Variants in COL19A1 observed in about 807,000 individuals in gnomAD.
COL19A1 encodes collagen alpha-1(XIX) chain.
A neutral mutation model predicts 190.2 loss-of-function variants in COL19A1; 159 were observed. The ratio of observed to expected loss-of-function variants is 0.84; its 90% CI spans 0.73 to 0.95. The LOEUF is 0.95. COL19A1 is among the 40% of genes least tolerant of loss of function. The pLI is 0.00. For synonymous variants in COL19A1, 509 were observed against 458.9 expected (o/e 1.11, Z -1.39); for missense variants, 1,418 against 1,431.9 (o/e 0.99, Z 0.16).
Position 70,121,991 on chromosome 6 carries a change from G to T in COL19A1, c.1341+49G>T, listed in dbSNP as rs758130942. ...TTTATAATACATAGAAATTTTATAT[G>T]ATTGTATTTTTGAAAAAAAACTTAT... On this transcript the variant is annotated intron_variant, in intron 17 of 50. Transcript: ENST00000620364. 6 of 1,254,714 alleles carry T rather than the reference G, an allele frequency of 4.8e-6. No individual in the cohort carries two copies. In the South Asian group the frequency reaches 5.8e-5, roughly 12 times the overall value. The allele number at this position is 1,254,714 out of a possible 1,614,324, so 77.7% of individuals were successfully genotyped here.
intron 5 of COL19A1, among the ~76,000 whole-genome samples, chr6:69,929,143 AT>A (rs897238903): frequency 4.9e-5 from 7 of 144,186 alleles, no homozygotes; most frequent in Non-Finnish European, 1.0e-4. Context: ...TTATATAAAC[AT>A]TTAAAATAAC....
intron 48 of COL19A1, among the ~76,000 whole-genome samples, chr6:70,195,553 C>T (rs1409325976): frequency 6.6e-6 from 1 of 152,180 alleles, no homozygotes; most frequent in Non-Finnish European, 1.5e-5. Flanking sequence ...TGGGCTCCTC[C>T]ATGCAGAGGC....
chr6:70,058,102 G>A (rs1037206250), intron 14 of COL19A1, among the ~76,000 whole-genome samples: 1 of 151,958 alleles, frequency 6.6e-6, no homozygotes, highest in Admixed American at 6.6e-5. Context: ...AATGTTTTTA[G>A]CTTTATTGGC....
intron 11 of COL19A1, among the ~76,000 whole-genome samples, chr6:70,010,059 A>G (rs1777893118): frequency 1.3e-5 from 2 of 152,244 alleles, no homozygotes; most frequent in African/African-American, 4.8e-5. Flanking sequence ...TATGACACTA[A>G]AAAGTCAATC....
intron 14 of COL19A1, among the ~76,000 whole-genome samples, chr6:70,055,779 AT>A (rs1030430024): frequency 4.5e-5 from 4 of 88,632 alleles, no homozygotes; most frequent in Non-Finnish European, 7.9e-5. Flanking sequence ...AAAACTCTGT[AT>A]TAAAAAAAAA....
chr6:69,970,014 C>G (rs1485066137), intron 11 of COL19A1, among the ~76,000 whole-genome samples: 1 of 152,186 alleles, frequency 6.6e-6, no homozygotes, highest in East Asian at 1.9e-4. Flanking sequence ...CCATGTTCTA[C>G]TGGCCAAAGC....
At chr6:70,047,718 T>C (rs1402514745) in intron 14 of COL19A1, among the ~76,000 whole-genome samples, 1 of 152,168 alleles carries the variant, frequency 6.6e-6, no homozygotes, top group Non-Finnish European at 1.5e-5. Flanking sequence ...TTACATACTA[T>C]TGCCAGATTC....
At chr6:70,010,412 C>A (rs932584688) in intron 11 of COL19A1, among the ~76,000 whole-genome samples, 1 of 145,852 alleles carries the variant, frequency 6.9e-6, no homozygotes. Context: ...GTGAGCGACG[C>A]AGAAGACGGT....
intron 4 of COL19A1, among the ~76,000 whole-genome samples, chr6:69,922,052 G>T (rs1236482678): frequency 6.6e-6 from 1 of 151,948 alleles, no homozygotes; most frequent in Non-Finnish European, 1.5e-5. Context: ...AGAAATTTTG[G>T]CAAGACCCAG....
intron 2 of COL19A1, among the ~76,000 whole-genome samples, chr6:69,886,843 A>C (rs73478068): frequency 6.6e-6 from 1 of 152,202 alleles, no homozygotes; most frequent in African/African-American, 2.4e-5. Flanking sequence ...CCACCTTGTG[A>C]TAGCTATTTC....
At chr6:70,173,419 C>G (rs564218548) in intron 41 of COL19A1, among the ~76,000 whole-genome samples, 26 of 152,208 alleles carry the variant, frequency 1.7e-4, no homozygotes, top group African/African-American at 6.0e-4. Flanking sequence ...AGAAAAGGAG[C>G]AAAGAGCAAG....
chr6:70,131,069 T>G (rs1191091613), intron 18 of COL19A1: 2 of 463,132 alleles, frequency 4.3e-6, no homozygotes, highest in East Asian at 1.4e-4. Flanking sequence ...TTATCATAGC[T>G]GTAAAGATGA....
chr6:70,203,792 A>T (rs958869121), intron 49 of COL19A1, among the ~76,000 whole-genome samples: 3 of 152,108 alleles, frequency 2.0e-5, no homozygotes, highest in Non-Finnish European at 2.9e-5. Flanking sequence ...GATGCTTTCA[A>T]TTAGGACACT....
chr6:70,180,525 T>C lies in COL19A1; in HGVS notation c.2775+2T>C, dbSNP rs1766108046. On this transcript the variant is annotated splice_donor_variant, in intron 44 of 50. Coordinates refer to ENST00000620364, the MANE Select transcript of COL19A1 (RefSeq NM_001858.6). LOFTEE classifies it high-confidence loss of function. ...CCAGAAGGACCCTCAGGAAAGCCAG[T>C]AAGTACTTCTTACTACTTAAAATAT... is the stretch of plus-strand genomic sequence containing the variant. 7 of 1,613,984 alleles carry C rather than the reference T, an allele frequency of 4.3e-6. No individual in the cohort carries two copies. The highest frequency in any genetic ancestry group is 3.4e-6 in the Non-Finnish European group (4 of 1,179,894).
intron 9 of COL19A1, among the ~76,000 whole-genome samples, chr6:69,950,797 T>G (rs1397230643): frequency 6.6e-6 from 1 of 151,478 alleles, no homozygotes; most frequent in Non-Finnish European, 1.5e-5. Flanking sequence ...TTTGCCCACT[T>G]TGCCCCCAAA....
At chr6:69,921,219 T>C (rs1377294962) in intron 4 of COL19A1, among the ~76,000 whole-genome samples, 1 of 131,924 alleles carries the variant, frequency 7.6e-6, no homozygotes, top group East Asian at 2.1e-4. Flanking sequence ...ATATATAATA[T>C]ATCCATATGT....
intron 1 of COL19A1, among the ~76,000 whole-genome samples, chr6:69,869,155 G>T (rs1767667882): frequency 6.6e-6 from 1 of 152,194 alleles, no homozygotes; most frequent in African/African-American, 2.4e-5. Context: ...GATCCAGCAG[G>T]GAGGGCATTC....
Position 70,210,831 on chromosome 6 carries a change from GT to G in COL19A1, c.*3562del, listed in dbSNP as rs1417664702. On this transcript the variant is annotated 3_prime_UTR_variant, in exon 51 of 51. Transcript: ENST00000620364. ...TTGTTAATTTGTTTTGTTAATTTAT[GT>G]TTTTCCTAATTTTAAGCATCTTTAT... Among the ~76,000 whole-genome samples the G allele has an allele frequency of 1.7e-4, 26 of 151,888 alleles. No individual in the cohort carries two copies. The highest frequency in any genetic ancestry group is 4.1e-4 in the African/African-American group (17 of 41,450).
chr6:70,095,397 T>C (rs1783187641), intron 15 of COL19A1, among the ~76,000 whole-genome samples: 1 of 152,184 alleles, frequency 6.6e-6, no homozygotes, highest in African/African-American at 2.4e-5. Flanking sequence ...CTAGAGACAT[T>C]ATCTAACATT....
Sources: gnomAD v4.1 joint callset for allele counts (sites outside exome capture counted in the v4.1 genomes callset) on GRCh38, gnomAD v4.1.1 for gene constraint, MANE v1.5 for transcripts, NCBI Gene and HGNC (gene_info 2026-07-23, HGNC 2026-07-21) for gene names.